The following RBFOX1 variants were observed in gnomAD, a reference collection of about 807,000 sequenced individuals.
The protein encoded by RBFOX1 is RNA binding fox-1 homolog 1, also known as RNA binding protein fox-1 homolog 1.
A neutral mutation model predicts 57.7 loss-of-function variants in RBFOX1; 8 were observed. The ratio of observed to expected loss-of-function variants is 0.14; its 90% CI spans 0.08 to 0.25. The LOEUF is 0.25. RBFOX1 is among the 10% of genes least tolerant of loss of function. The pLI, the probability that RBFOX1 is intolerant of heterozygous loss-of-function variation, is 1.00. For missense variants in RBFOX1, 611 were observed against 548.5 expected (o/e 1.11, Z -1.14); for synonymous variants, 326 against 222.4 (o/e 1.47, Z -4.15).
intron 2 of RBFOX1, among the ~76,000 whole-genome samples, chr16:5,593,985 C>G (rs1470858684): frequency 6.6e-6 from 1 of 152,112 alleles, no homozygotes; most frequent in Non-Finnish European, 1.5e-5. Context: ...ACACCACCCC[C>G]ATCCTGCCCC....
chr16:6,425,342 T>G (rs1197475331), intron 2 of RBFOX1, among the ~76,000 whole-genome samples: 1 of 152,192 alleles, frequency 6.6e-6, no homozygotes, highest in African/African-American at 2.4e-5. Context: ...AATCATTGTC[T>G]TCTCATTTAA....
chr16:7,134,632 T>C (rs908122653), intron 4 of RBFOX1, among the ~76,000 whole-genome samples: 1 of 152,152 alleles, frequency 6.6e-6, no homozygotes, highest in South Asian at 2.1e-4. Flanking sequence ...ATCCAGAAAA[T>C]GATCGTTGAA....
At chr16:6,785,080 A>G (rs2081703060) in intron 3 of RBFOX1, among the ~76,000 whole-genome samples, 1 of 152,136 alleles carries the variant, frequency 6.6e-6, no homozygotes, top group Non-Finnish European at 1.5e-5. Context: ...GAAATACTGG[A>G]TGTGACTTTA....
intron 3 of RBFOX1, among the ~76,000 whole-genome samples, chr16:7,044,206 A>G (rs8053066): frequency 0.15 from 22,559 of 152,030 alleles, 3,131 homozygotes; most frequent in African/African-American, 0.36. Flanking sequence ...TATGTGTGTG[A>G]GTAAATATAT....
intron 3 of RBFOX1, among the ~76,000 whole-genome samples, chr16:6,942,075 T>A (rs973353120): frequency 2.6e-5 from 4 of 151,944 alleles, no homozygotes; most frequent in African/African-American, 9.7e-5. Flanking sequence ...CTAAAAATAA[T>A]AATAATAATA....
At chr16:5,899,631 T>A (rs928899322) in intron 4 of RBFOX1, among the ~76,000 whole-genome samples, 2 of 152,132 alleles carry the variant, frequency 1.3e-5, no homozygotes, top group Admixed American at 6.5e-5. Flanking sequence ...GGGTACCTGA[T>A]TGGGTCAAAA....
chr16:6,799,714 C>G lies in RBFOX1; in HGVS notation c.-16+145064C>G, dbSNP rs536769273. ...GCTGAGTCTTCCACCTTTCGTCTTT[C>G]TCCTGTGCTGGATACTTCTTGCCCT... is the stretch of plus-strand genomic sequence containing the variant. On this transcript the variant is annotated intron_variant, in intron 3 of 15. Coordinates refer to ENST00000550418, the MANE Select transcript of RBFOX1 (RefSeq NM_018723.4). Among the ~76,000 whole-genome samples the G allele has an allele frequency of 6.6e-5, 10 of 152,228 alleles. No homozygotes were observed. In the South Asian group the frequency reaches 1.2e-3, roughly 19 times the overall value.
chr16:6,354,508 G>T (rs1334536660), intron 2 of RBFOX1, among the ~76,000 whole-genome samples: 1 of 152,076 alleles, frequency 6.6e-6, no homozygotes, highest in African/African-American at 2.4e-5. Context: ...AGCTTCAGAG[G>T]CTCAAGGTCA....
At chr16:7,507,545 G>A (rs975450649) in intron 4 of RBFOX1, among the ~76,000 whole-genome samples, 3 of 138,650 alleles carry the variant, frequency 2.2e-5, no homozygotes, top group Non-Finnish European at 4.8e-5. Context: ...CTTGGAACGT[G>A]ATTTTTTTTT....
At chr16:6,945,792 G>T (rs4786130) in intron 3 of RBFOX1, among the ~76,000 whole-genome samples, 3 of 152,142 alleles carry the variant, frequency 2.0e-5, no homozygotes, top group African/African-American at 7.2e-5. Flanking sequence ...TTCGGAGGCC[G>T]AGACGGGAGA....
intron 2 of RBFOX1, among the ~76,000 whole-genome samples, chr16:6,566,304 G>A (rs1217786214): frequency 6.6e-6 from 1 of 152,154 alleles, no homozygotes; most frequent in South Asian, 2.1e-4. Context: ...ATGCCTAATT[G>A]CACCTCGATT....
chr16:6,307,371 G>C (rs979590557), intron 1 of RBFOX1, among the ~76,000 whole-genome samples: 2 of 149,226 alleles, frequency 1.3e-5, no homozygotes, highest in African/African-American at 2.6e-5. Flanking sequence ...GACAGAGAGA[G>C]ACTCATCTTA....
chr16:6,038,549 TATCATCC>T (rs1265257518), intron 1 of RBFOX1: 2 of 139,984 alleles, frequency 1.4e-5, no homozygotes, highest in Non-Finnish European at 3.1e-5. Context: ...TATATATATA[TATCATCC>T]ATATATATAT....
rs191176122 is a variant in RBFOX1 at position 7,680,397 on chromosome 16, G to C, written c.995+3559G>C. 2.0e-5 allele frequency among the ~76,000 whole-genome samples: 3 copies of C among 152,276 alleles called. 1 individual carries two copies. The South Asian group carries it at 6.2e-4, about 32-fold the overall frequency. Reference sequence around the variant, plus strand: ...AGACAGACAGACATTTGTCATGCTTGTCCTGCTTGCTAACACTCTTAACAT... The same window carrying C: ...AGACAGACAGACATTTGTCATGCTTCTCCTGCTTGCTAACACTCTTAACAT... On this transcript the variant is annotated intron_variant, in intron 14 of 15. Transcript: ENST00000550418.
chr16:7,196,471 G>A (rs1280534709), intron 4 of RBFOX1, among the ~76,000 whole-genome samples: 1 of 152,128 alleles, frequency 6.6e-6, no homozygotes, highest in African/African-American at 2.4e-5. Context: ...GGTACCCAAA[G>A]GTCCAATGGC....
intron 3 of RBFOX1, among the ~76,000 whole-genome samples, chr16:6,877,422 C>T (rs911842590): frequency 5.9e-5 from 9 of 152,036 alleles, no homozygotes; most frequent in African/African-American, 2.2e-4. Flanking sequence ...ATTATTAAAT[C>T]ACAGAGACAA....
chr16:7,552,808 G>C (rs921195222), intron 5 of RBFOX1, among the ~76,000 whole-genome samples: 5 of 151,938 alleles, frequency 3.3e-5, no homozygotes, highest in African/African-American at 1.2e-4. Flanking sequence ...TCAGACTCTC[G>C]AGTAGCTGGG....
At chr16:5,954,541 C>G (rs939140165) in intron 4 of RBFOX1, among the ~76,000 whole-genome samples, 1 of 152,012 alleles carries the variant, frequency 6.6e-6, no homozygotes, top group Admixed American at 6.5e-5. Flanking sequence ...TAAAAGTGTT[C>G]TTAATTAAAG....
At chr16:7,666,487 A>C (rs1430577580) in intron 13 of RBFOX1, among the ~76,000 whole-genome samples, 2 of 152,162 alleles carry the variant, frequency 1.3e-5, no homozygotes, top group African/African-American at 2.4e-5. Flanking sequence ...TCAAACTGAC[A>C]ATAATTTATT....
Sources: allele counts gnomAD v4.1 joint callset (sites outside exome capture counted in the v4.1 genomes callset), GRCh38; gene constraint gnomAD v4.1.1; transcripts MANE v1.5; gene names NCBI Gene and HGNC (gene_info 2026-07-23, HGNC 2026-07-21).